TOP6BL: variants seen among roughly 807,000 people sequenced by gnomAD.
TOP6BL encodes TOP6B like initiator of meiotic double strand breaks.
the TOP6BL span, among the ~76,000 whole-genome samples, chr11:66,772,981 G>A: frequency 6.6e-6 from 1 of 152,022 alleles, no homozygotes; most frequent in Non-Finnish European, 1.5e-5. Context: ...AATATTTGGT[G>A]CAAATCATCA....
chr11:66,795,048 C>T, the TOP6BL span, among the ~76,000 whole-genome samples: 59 of 151,872 alleles, frequency 3.9e-4, 1 homozygote, highest in South Asian at 0.011. Flanking sequence ...GCAGGAGAAT[C>T]GCTTGAACCC....
the TOP6BL span, chr11:66,759,222 C>T: frequency 7.7e-5 from 46 of 599,878 alleles, no homozygotes; most frequent in African/African-American, 6.1e-4. Context: ...AGGATGCCCA[C>T]TTAAATTTGA....
the TOP6BL span, among the ~76,000 whole-genome samples, chr11:66,763,396 A>G: frequency 1.3e-5 from 2 of 152,124 alleles, no homozygotes; most frequent in Non-Finnish European, 1.5e-5. Context: ...TGAGCACATT[A>G]ATGTTTTTTG....
chr11:66,761,111 C>A, the TOP6BL span, among the ~76,000 whole-genome samples: 2 of 151,952 alleles, frequency 1.3e-5, no homozygotes, highest in Non-Finnish European at 1.5e-5. Flanking sequence ...GTGGCTCACG[C>A]CTGTAATCCC....
chr11:66,818,691 G>A, the TOP6BL span, among the ~76,000 whole-genome samples: 2 of 152,126 alleles, frequency 1.3e-5, no homozygotes, highest in African/African-American at 4.8e-5. Context: ...CCCATCAAAG[G>A]CCCTTCCAGG....
the TOP6BL span, among the ~76,000 whole-genome samples, chr11:66,755,298 T>G: frequency 1.3e-5 from 2 of 152,136 alleles, no homozygotes; most frequent in Admixed American, 1.3e-4. Flanking sequence ...TTTTTGTATT[T>G]TTAGTAGAAA....
chr11:66,820,092 G>A, the TOP6BL span, among the ~76,000 whole-genome samples: 44 of 151,798 alleles, frequency 2.9e-4, no homozygotes, highest in Middle Eastern at 6.8e-3. Context: ...GTACATTATC[G>A]CAGTTTATCT....
chr11:66,804,389 C>T, the TOP6BL span, among the ~76,000 whole-genome samples: 3 of 152,078 alleles, frequency 2.0e-5, no homozygotes, highest in Non-Finnish European at 2.9e-5. Flanking sequence ...ACATGCCATG[C>T]GTTTTTCATA....
chr11:66,814,616 A>G, the TOP6BL span, among the ~76,000 whole-genome samples: 1 of 151,950 alleles, frequency 6.6e-6, no homozygotes, highest in Non-Finnish European at 1.5e-5. Context: ...TGCCTCCTCT[A>G]TTCCTGGTCC....
chr11:66,778,578 G>A, the TOP6BL span, among the ~76,000 whole-genome samples: 1 of 152,126 alleles, frequency 6.6e-6, no homozygotes, highest in Middle Eastern at 3.2e-3. Flanking sequence ...TAAAGCTACA[G>A]TAGTTAGCCC....
At chr11:66,754,373 T>C in the TOP6BL span, among the ~76,000 whole-genome samples, 1 of 152,218 alleles carries the variant, frequency 6.6e-6, no homozygotes, top group East Asian at 1.9e-4. Flanking sequence ...TCTTCTACTT[T>C]CTAGGCATTA....
the TOP6BL span, among the ~76,000 whole-genome samples, chr11:66,831,687 A>G: frequency 2.6e-4 from 39 of 152,162 alleles, no homozygotes; most frequent in Non-Finnish European, 2.5e-4. Flanking sequence ...AGGTATGCAC[A>G]TGTGTACTTA....
chr11:66,792,320 C>T, the TOP6BL span, among the ~76,000 whole-genome samples: 1 of 152,170 alleles, frequency 6.6e-6, no homozygotes, highest in African/African-American at 2.4e-5. Context: ...GTCTCATCTA[C>T]TGAACTGTGA....
chr11:66,782,333 A>G, the TOP6BL span, among the ~76,000 whole-genome samples: 2 of 152,008 alleles, frequency 1.3e-5, no homozygotes, highest in Non-Finnish European at 2.9e-5. Context: ...TACATTCTCA[A>G]CTCCATAGCA....
the TOP6BL span, among the ~76,000 whole-genome samples, chr11:66,814,591 TCTTA>T: frequency 6.6e-6 from 1 of 152,078 alleles, no homozygotes; most frequent in Non-Finnish European, 1.5e-5. Context: ...CTGGTTCTCC[TCTTA>T]CTTCCTCTGC....
At chr11:66,819,498 T>C in the TOP6BL span, among the ~76,000 whole-genome samples, 1 of 152,336 alleles carries the variant, frequency 6.6e-6, no homozygotes, top group South Asian at 2.1e-4. Context: ...GGCTAGGCAC[T>C]GTGGCTTGGC....
the TOP6BL span, among the ~76,000 whole-genome samples, chr11:66,809,533 A>G: frequency 6.6e-6 from 1 of 152,228 alleles, no homozygotes; most frequent in Non-Finnish European, 1.5e-5. Flanking sequence ...CTAAGGATGA[A>G]ATGGAAGTCC....
chr11:66,794,306 A>G, the TOP6BL span, among the ~76,000 whole-genome samples: 1 of 151,638 alleles, frequency 6.6e-6, no homozygotes, highest in East Asian at 1.9e-4. Context: ...CTGATTTCTG[A>G]TTGTATTTCT....
At chr11:66,801,056 C>A in the TOP6BL span, 1 of 1,613,900 alleles carries the variant, frequency 6.2e-7, no homozygotes, top group South Asian at 1.1e-5. Flanking sequence ...CACTTTGAAC[C>A]TTGGGAATGG....
Sources: gnomAD v4.1 joint callset for allele counts (sites outside exome capture counted in the v4.1 genomes callset) on GRCh38, gnomAD v4.1.1 for gene constraint, MANE v1.5 for transcripts, NCBI Gene and HGNC (gene_info 2026-07-23, HGNC 2026-07-21) for gene names.